Variants in RPS6KA2 observed in about 807,000 individuals in gnomAD.
The protein encoded by RPS6KA2 is ribosomal protein S6 kinase A2.
RPS6KA2 carries 42 observed loss-of-function variants against 91.8 expected under a neutral mutation model. That is an observed-to-expected ratio of 0.46 (90% CI 0.36 to 0.59). The LOEUF (loss-of-function observed/expected upper bound fraction) is 0.59. Among genes scored for constraint, RPS6KA2 ranks in the 20% least tolerant of loss-of-function variants. RPS6KA2 has a pLI of 0.00. For missense variants in RPS6KA2, 798 were observed against 978.5 expected (o/e 0.82, Z 2.46); for synonymous variants, 414 against 393.6 (o/e 1.05, Z -0.61).
At position 166,780,654 on chromosome 6, in the gene RPS6KA2, G is replaced by A. The variant is rs369587352; in HGVS notation, c.123+77546C>T. Among the ~76,000 whole-genome samples, 4 of 152,166 alleles carry A rather than the reference G, an allele frequency of 2.6e-5. No homozygotes were observed. In the East Asian group the frequency reaches 7.7e-4, roughly 29 times the overall value. On this transcript the variant is annotated intron_variant, in intron 2 of 21. Coordinates refer to the RPS6KA2 transcript ENST00000503859. ...ATCATTCAGTGTTTAACCAAGGGGA[G>A]GGGTCAGACTTGAAATATGAGCCAA...
At chr6:166,858,106 G>C in intron 2 of RPS6KA2, 1 of 802,516 alleles carries the variant, frequency 1.2e-6, no homozygotes, top group Non-Finnish European at 2.2e-6. Context: ...ACTGCTCACA[G>C]ATATTTAATT....
intron 3 of RPS6KA2, among the ~76,000 whole-genome samples, chr6:166,513,960 G>A (rs1032973102): frequency 1.3e-5 from 2 of 152,146 alleles, no homozygotes; most frequent in African/African-American, 4.8e-5. Flanking sequence ...TCTTGCACCC[G>A]CTCCTGTTTA....
intron 2 of RPS6KA2, among the ~76,000 whole-genome samples, chr6:166,673,016 C>T (rs545728607): frequency 6.6e-4 from 101 of 152,288 alleles, no homozygotes; most frequent in African/African-American, 2.4e-3. Flanking sequence ...GGGTGGGCCC[C>T]CGAGCCCTCT....
intron 2 of RPS6KA2, among the ~76,000 whole-genome samples, chr6:166,729,396 G>A (rs1307979605): frequency 1.3e-5 from 2 of 152,218 alleles, no homozygotes; most frequent in African/African-American, 4.8e-5. Flanking sequence ...CACCCAGACT[G>A]GAGTGCAGTG....
At chr6:166,560,548 G>A (rs1228494659) in intron 1 of RPS6KA2, among the ~76,000 whole-genome samples, 2 of 152,274 alleles carry the variant, frequency 1.3e-5, no homozygotes, top group East Asian at 1.9e-4. Flanking sequence ...AGGAGACCAG[G>A]GTCTTAATAT....
chr6:166,427,470 G>A (rs1778966156), intron 16 of RPS6KA2, among the ~76,000 whole-genome samples: 1 of 151,616 alleles, frequency 6.6e-6, no homozygotes, highest in Admixed American at 6.6e-5. Context: ...GGCAGGAGAA[G>A]GAAATAAAGG....
exon 1 of RPS6KA2, chr6:166,862,433 G>A: frequency 7.7e-7 from 1 of 1,297,708 alleles, no homozygotes; most frequent in South Asian, 1.6e-5. Flanking sequence ...CCAGGGCTCT[G>A]GGGAGCTGCT....
chr6:166,752,057 C>T (rs1791303767), intron 2 of RPS6KA2, among the ~76,000 whole-genome samples: 1 of 152,320 alleles, frequency 6.6e-6, no homozygotes, highest in African/African-American at 2.4e-5. Flanking sequence ...AAAGGCGACA[C>T]CAGGTCCATT....
At chr6:166,457,738 C>A (rs1780150014) in intron 12 of RPS6KA2, among the ~76,000 whole-genome samples, 1 of 152,166 alleles carries the variant, frequency 6.6e-6, no homozygotes, top group Non-Finnish European at 1.5e-5. Context: ...TCCCTATCTG[C>A]ACACGCTCAC....
intron 7 of RPS6KA2, 107 bp from the exon 8 acceptor site, chr6:166,498,757 G>A: frequency 7.0e-7 from 1 of 1,430,576 alleles, no homozygotes; most frequent in African/African-American, 1.5e-5. Context: ...CCCTCTCCAG[G>A]TGGGCGCAGC....
At chr6:166,692,169 G>A (rs1216903247) in intron 2 of RPS6KA2, among the ~76,000 whole-genome samples, 2 of 152,132 alleles carry the variant, frequency 1.3e-5, no homozygotes, top group African/African-American at 2.4e-5. Context: ...GTCAAGATTT[G>A]TTGTCTTGGG....
chr6:166,517,507 C>T (rs1435815548), intron 3 of RPS6KA2, among the ~76,000 whole-genome samples: 7 of 131,902 alleles, frequency 5.3e-5, no homozygotes, highest in East Asian at 2.1e-4. Flanking sequence ...CTCGCTCTGT[C>T]GCCCAGGCCG....
chr6:166,479,942 G>A (rs573326299), intron 10 of RPS6KA2, among the ~76,000 whole-genome samples: 2 of 152,248 alleles, frequency 1.3e-5, no homozygotes, highest in Non-Finnish European at 2.9e-5. Context: ...CATGCAGAAT[G>A]GCCTCACTCT....
intron 2 of RPS6KA2, among the ~76,000 whole-genome samples, chr6:166,807,408 T>G (rs1408631850): frequency 1.3e-5 from 2 of 152,162 alleles, no homozygotes; most frequent in African/African-American, 4.8e-5. Context: ...ACTTCCCTAG[T>G]GACCTACCTC....
At position 166,812,436 on chromosome 6, in the gene RPS6KA2, C is replaced by A. The variant is rs188329558; in HGVS notation, c.123+45764G>T. On this transcript the variant is annotated intron_variant, in intron 2 of 21. Transcript: ENST00000503859. The stretch of plus-strand genomic sequence containing the variant: ...CTGCCCTCCTCCCACAGCCCCCTTG[C>A]CTCTCTCTCAACTCTCAGCTTAAAT... Among the ~76,000 whole-genome samples the A allele has an allele frequency of 5.3e-5, 8 of 152,308 alleles. No homozygotes were observed. The East Asian group carries it at 1.5e-3, about 29-fold the overall frequency.
chr6:166,706,852 A>G (rs901746383), intron 2 of RPS6KA2, among the ~76,000 whole-genome samples: 1 of 152,256 alleles, frequency 6.6e-6, no homozygotes, highest in African/African-American at 2.4e-5. Context: ...AGTATTAAAC[A>G]AGAAGAGTCT....
intron 1 of RPS6KA2, among the ~76,000 whole-genome samples, chr6:166,615,092 G>A (rs770638139): frequency 2.0e-5 from 3 of 152,100 alleles, no homozygotes; most frequent in Non-Finnish European, 4.4e-5. Context: ...CCCAGGTCCC[G>A]ACTAGTCCTA....
At position 166,665,726 on chromosome 6, in the gene RPS6KA2, G is replaced by T. The variant is rs956127554; in HGVS notation, c.124-126942C>A. 2.0e-5 allele frequency among the ~76,000 whole-genome samples: 3 copies of T among 152,314 alleles called. No individual in the cohort carries two copies. The highest frequency in any genetic ancestry group is 4.1e-4 in the South Asian group (2 of 4,830). ...TGACCAAGCTTAGGTCCCATGAAAT[G>T]AGCCCCACTTGCAGAGCTTGTTCTG... On this transcript the variant is annotated intron_variant, in intron 2 of 21. Coordinates refer to the RPS6KA2 transcript ENST00000503859. This position sits in a 1 kb window ranked among gnomAD's most constrained non-coding sequence, Gnocchi z 4.5.
At chr6:166,595,889 C>T (rs1785518369) in intron 1 of RPS6KA2, among the ~76,000 whole-genome samples, 1 of 152,346 alleles carries the variant, frequency 6.6e-6, no homozygotes, top group African/African-American at 2.4e-5. Flanking sequence ...CAAGCAAATC[C>T]AAGCCTGGTC....
Sources: allele counts gnomAD v4.1 joint callset (sites outside exome capture counted in the v4.1 genomes callset), GRCh38; gene constraint gnomAD v4.1.1; non-coding constraint Gnocchi (gnomAD v3.1); transcripts MANE v1.5; gene names NCBI Gene and HGNC (gene_info 2026-07-23, HGNC 2026-07-21).